TRDN: variants seen among roughly 807,000 people sequenced by gnomAD.
TRDN encodes the protein triadin in skeletal muscle.
TRDN carries 161 observed loss-of-function variants against 149.7 expected under a neutral mutation model. That is an observed-to-expected ratio of 1.08 (90% CI 0.95 to 1.23). The LOEUF is 1.23. Among genes scored for constraint, TRDN ranks in the 50% most tolerant of loss-of-function variants. The pLI is 0.00. For synonymous variants in TRDN, 294 were observed against 250.5 expected (o/e 1.17, Z -1.64); for missense variants, 896 against 823.5 (o/e 1.09, Z -1.08).
intron 4 of TRDN, among the ~76,000 whole-genome samples, chr6:123,535,757 T>G (rs922943870): frequency 5.2e-4 from 79 of 152,302 alleles, no homozygotes; most frequent in African/African-American, 1.8e-3. Context: ...TTTTAGATTA[T>G]TCTTTATTTC....
intron 9 of TRDN, among the ~76,000 whole-genome samples, chr6:123,486,671 CTACTT>C (rs1441410933): frequency 3.3e-5 from 5 of 151,924 alleles, no homozygotes; most frequent in African/African-American, 1.2e-4. Flanking sequence ...AATCATTCCT[CTACTT>C]TAATAATAAT....
At chr6:123,464,863 T>G in intron 10 of TRDN, 43 bp downstream of exon 10, 1 of 1,548,710 alleles carries the variant, frequency 6.5e-7, no homozygotes, top group Non-Finnish European at 8.7e-7. Flanking sequence ...TACATTCTAT[T>G]TTATCTACAA....
At chr6:123,512,148 T>C (rs998254181) in intron 7 of TRDN, among the ~76,000 whole-genome samples, 155 bp downstream of exon 7, 3 of 152,128 alleles carry the variant, frequency 2.0e-5, no homozygotes, top group Non-Finnish European at 4.4e-5. Flanking sequence ...TTCAGTTTAA[T>C]TATTCTTTTA....
chr6:123,593,327 G>T (rs149663779), intron 1 of TRDN, among the ~76,000 whole-genome samples: 385 of 152,266 alleles, frequency 2.5e-3, no homozygotes, highest in African/African-American at 8.8e-3. Flanking sequence ...GAGCACTTCG[G>T]TAATAAAATG....
At chr6:123,399,688 C>T (rs531833057) in intron 12 of TRDN, among the ~76,000 whole-genome samples, 67 of 152,240 alleles carry the variant, frequency 4.4e-4, no homozygotes, top group African/African-American at 1.6e-3. Flanking sequence ...TCCTTTCTAC[C>T]TTCTATAGCA....
At chr6:123,455,114 C>T (rs1302032110) in intron 10 of TRDN, among the ~76,000 whole-genome samples, 1 of 152,052 alleles carries the variant, frequency 6.6e-6, no homozygotes, top group Non-Finnish European at 1.5e-5. Flanking sequence ...GTCTCACAAC[C>T]AAAGTTATTT....
chr6:123,255,243 G>A, intron 36 of TRDN, 118 bp from the exon 37 acceptor site: 2 of 433,022 alleles, frequency 4.6e-6, no homozygotes, highest in Non-Finnish European at 7.8e-6. Flanking sequence ...TTCTCAAGTT[G>A]GTTTTCAAAA....
chr6:123,589,228 G>C (rs1361514052), intron 1 of TRDN, among the ~76,000 whole-genome samples: 1 of 152,170 alleles, frequency 6.6e-6, no homozygotes, highest in East Asian at 1.9e-4. Context: ...CACGGATATA[G>C]TAGCAAGGCT....
chr6:123,511,334 G>A (rs937568606), intron 7 of TRDN, among the ~76,000 whole-genome samples: 3 of 151,966 alleles, frequency 2.0e-5, no homozygotes, highest in Non-Finnish European at 4.4e-5. Flanking sequence ...GAGTGAATTT[G>A]GAATGTTCCC....
At chr6:123,341,398 T>C (rs1392810734) in intron 21 of TRDN, among the ~76,000 whole-genome samples, 1 of 151,946 alleles carries the variant, frequency 6.6e-6, no homozygotes, top group South Asian at 2.1e-4. Flanking sequence ...ATTTTTTTCC[T>C]GAATATATGT....
At chr6:123,352,423 T>G in intron 21 of TRDN, 116 bp downstream of exon 21, 1 of 1,463,484 alleles carries the variant, frequency 6.8e-7, no homozygotes. Flanking sequence ...AGGACAGTGA[T>G]AAAGAGTAAT....
chr6:123,490,360 A>C (rs1229504549), intron 9 of TRDN, among the ~76,000 whole-genome samples: 1 of 152,216 alleles, frequency 6.6e-6, no homozygotes, highest in Non-Finnish European at 1.5e-5. Flanking sequence ...GAGAGCGTGG[A>C]TACATCGGAC....
chr6:123,466,952 C>G (rs1776857063), intron 9 of TRDN, among the ~76,000 whole-genome samples: 1 of 151,808 alleles, frequency 6.6e-6, no homozygotes, highest in Non-Finnish European at 1.5e-5. Flanking sequence ...ACTTATTATA[C>G]TATATATAAA....
chr6:123,479,242 C>G (rs1163025657), intron 9 of TRDN, among the ~76,000 whole-genome samples: 1 of 151,972 alleles, frequency 6.6e-6, no homozygotes, highest in East Asian at 1.9e-4. Context: ...ATTTATAGTT[C>G]TAGACCAAAG....
At chr6:123,581,394 G>A (rs1348807198) in intron 1 of TRDN, among the ~76,000 whole-genome samples, 1 of 152,108 alleles carries the variant, frequency 6.6e-6, no homozygotes, top group African/African-American at 2.4e-5. Flanking sequence ...CTTCAACAAG[G>A]CCCTAGGTAG....
In TRDN at chr6:123,278,360, A is replaced by C. The variant is rs55704802; in HGVS notation, c.1538-13T>G. The C allele has an allele frequency of 7.5e-3, 9,491 of 1,272,424 alleles. 49 individuals are homozygous for C. The highest frequency in any genetic ancestry group is 8.9e-3 in the Non-Finnish European group (8,315 of 938,724). 78.8% of individuals were successfully genotyped at this position (1,272,424 alleles called of 1,614,324 possible). ...TTTCCTTGTAGTTCTAAAAATATAG[A>C]TGAACATTAGTAACAATGATTATAG... is the stretch of plus-strand genomic sequence containing the variant. On this transcript the variant is annotated splice_polypyrimidine_tract_variant and intron_variant, in intron 25 of 40. Coordinates refer to ENST00000334268, the MANE Select transcript of TRDN (RefSeq NM_006073.4).
intron 14 of TRDN, among the ~76,000 whole-genome samples, chr6:123,386,827 C>A (rs1427734545): frequency 1.3e-5 from 2 of 152,152 alleles, no homozygotes; most frequent in Non-Finnish European, 2.9e-5. Flanking sequence ...TGTGGGGCAA[C>A]AACCTTGGAG....
intron 8 of TRDN, chr6:123,502,717 A>T (rs1002693805): frequency 1.0e-6 from 1 of 983,982 alleles, no homozygotes; most frequent in African/African-American, 1.7e-5. Context: ...TTAAACTAAA[A>T]TCTAATAGAA....
intron 33 of TRDN, among the ~76,000 whole-genome samples, chr6:123,263,227 A>G (rs1029340626): frequency 6.6e-6 from 1 of 152,060 alleles, no homozygotes; most frequent in Non-Finnish European, 1.5e-5. Context: ...GATTTAGTGG[A>G]CTGAATAGAA....
Sources: allele counts gnomAD v4.1 joint callset (sites outside exome capture counted in the v4.1 genomes callset), GRCh38; gene constraint gnomAD v4.1.1; transcripts MANE v1.5; gene names NCBI Gene and HGNC (gene_info 2026-07-23, HGNC 2026-07-21).